The following OR1J2 variants were observed in gnomAD, a reference collection of about 807,000 sequenced individuals.
OR1J2 encodes the protein olfactory receptor 1J2.
For missense variants in OR1J2, 304 were observed against 246.1 expected (o/e 1.24, Z -1.57); for synonymous variants, 142 against 99.7 (o/e 1.42, Z -2.52).
the OR1J2 span, among the ~76,000 whole-genome samples, chr9:122,478,570 A>G: frequency 6.6e-6 from 1 of 152,164 alleles, no homozygotes; most frequent in Admixed American, 6.5e-5. Context: ...GTAAACAATT[A>G]CTCCAAAAGA....
At chr9:122,543,514 A>G in the OR1J2 span, among the ~76,000 whole-genome samples, 5 of 152,094 alleles carry the variant, frequency 3.3e-5, no homozygotes, top group African/African-American at 9.7e-5. Flanking sequence ...AGATGCTCAT[A>G]TTCTTGTTAG....
the OR1J2 span, among the ~76,000 whole-genome samples, chr9:122,494,296 ATTG>A: frequency 3.1e-4 from 47 of 152,136 alleles, no homozygotes; most frequent in African/African-American, 1.1e-3. Flanking sequence ...GTGCCCCACT[ATTG>A]TTGTGTTGCC....
At chr9:122,557,106 A>G in the OR1J2 span, among the ~76,000 whole-genome samples, 26 of 152,110 alleles carry the variant, frequency 1.7e-4, no homozygotes, top group Non-Finnish European at 3.4e-4. Flanking sequence ...CCTTGCTATA[A>G]TTCTTTTAGT....
At chr9:122,466,761 G>A in the OR1J2 span, among the ~76,000 whole-genome samples, 1 of 151,984 alleles carries the variant, frequency 6.6e-6, no homozygotes, top group Non-Finnish European at 1.5e-5. Flanking sequence ...GACTTATGGG[G>A]GATTTTCCCA....
chr9:122,487,800 A>G, the OR1J2 span, among the ~76,000 whole-genome samples: 5 of 152,224 alleles, frequency 3.3e-5, no homozygotes, highest in Non-Finnish European at 5.9e-5. Flanking sequence ...TAATATTCCC[A>G]GTTGAAATGT....
the OR1J2 span, chr9:122,568,791 G>A: frequency 4.2e-6 from 1 of 238,458 alleles, no homozygotes; most frequent in Non-Finnish European, 8.1e-6. Context: ...CTATTCACCT[G>A]CCGGGGACAT....
the OR1J2 span, chr9:122,519,342 C>T: frequency 6.2e-7 from 1 of 1,614,188 alleles, no homozygotes; most frequent in Admixed American, 1.7e-5. Flanking sequence ...CCACTTGGCT[C>T]TCACTGACAT....
chr9:122,551,151 A>G, the OR1J2 span, among the ~76,000 whole-genome samples: 1 of 152,182 alleles, frequency 6.6e-6, no homozygotes, highest in Non-Finnish European at 1.5e-5. Flanking sequence ...CCTCAATCCC[A>G]TTTACAATAG....
chr9:122,465,123 G>GA, the OR1J2 span, among the ~76,000 whole-genome samples: 3 of 151,830 alleles, frequency 2.0e-5, no homozygotes, highest in East Asian at 1.9e-4. Flanking sequence ...AGTATCCGAA[G>GA]AAAAAAAATC....
downstream of OR1J2, among the ~76,000 whole-genome samples, chr9:122,514,713 C>T (rs1039192615): frequency 1.3e-5 from 2 of 152,116 alleles, no homozygotes; most frequent in East Asian, 1.9e-4. Context: ...AAAGAATTTT[C>T]ATTTGAGAGA....
At chr9:122,559,716 T>A in the OR1J2 span, among the ~76,000 whole-genome samples, 8 of 152,282 alleles carry the variant, frequency 5.3e-5, no homozygotes, top group South Asian at 1.2e-3. Context: ...TTCTTTTGCA[T>A]TTGCTGGGGA....
At chr9:122,534,958 G>T in the OR1J2 span, among the ~76,000 whole-genome samples, 6 of 152,092 alleles carry the variant, frequency 3.9e-5, no homozygotes, top group Non-Finnish European at 8.8e-5. Context: ...GGGGTCAAGC[G>T]GCATTGTAGA....
the OR1J2 span, chr9:122,527,372 A>G: frequency 1.3e-6 from 1 of 797,628 alleles, no homozygotes; most frequent in Non-Finnish European, 2.0e-6. Flanking sequence ...TGACTCCCAA[A>G]TCTCCCTTTA....
the OR1J2 span, among the ~76,000 whole-genome samples, chr9:122,453,421 C>T: frequency 6.6e-6 from 1 of 152,168 alleles, no homozygotes. Context: ...TAACCAAGTT[C>T]CCAACCTCCT....
At chr9:122,570,419 T>C in the OR1J2 span, among the ~76,000 whole-genome samples, 1 of 152,246 alleles carries the variant, frequency 6.6e-6, no homozygotes, top group East Asian at 1.9e-4. Flanking sequence ...TTCACATATT[T>C]TTAAATGTTG....
At chr9:122,452,246 T>C in the OR1J2 span, among the ~76,000 whole-genome samples, 2 of 152,136 alleles carry the variant, frequency 1.3e-5, no homozygotes, top group Admixed American at 1.3e-4. Context: ...CTGTCCACAA[T>C]TGGTAGAGTT....
the OR1J2 span, among the ~76,000 whole-genome samples, chr9:122,491,986 T>C: frequency 6.6e-6 from 1 of 152,160 alleles, no homozygotes; most frequent in Non-Finnish European, 1.5e-5. Flanking sequence ...ATTGAATGTT[T>C]AGATTTAACA....
chr9:122,567,733 C>A, the OR1J2 span: 4 of 1,614,036 alleles, frequency 2.5e-6, no homozygotes, highest in Non-Finnish European at 3.4e-6. Context: ...AAGAGCGTCA[C>A]CACGGTGAGG....
chr9:122,531,828 CT>C, the OR1J2 span, among the ~76,000 whole-genome samples: 1 of 152,186 alleles, frequency 6.6e-6, no homozygotes. Context: ...GGAATTATGT[CT>C]GACAGAAGGG....
Sources: allele counts gnomAD v4.1 joint callset (sites outside exome capture counted in the v4.1 genomes callset), GRCh38; gene constraint gnomAD v4.1.1; transcripts MANE v1.5; gene names NCBI Gene and HGNC (gene_info 2026-07-23, HGNC 2026-07-21).